ERI3: variants seen among roughly 807,000 people sequenced by gnomAD.
The protein encoded by ERI3 is ERI1 exoribonuclease 3.
In ERI3, 18 loss-of-function variants were observed where a neutral mutation model predicts 44.4. The ratio of observed to expected loss-of-function variants is 0.41; its 90% CI spans 0.28 to 0.60. The LOEUF (loss-of-function observed/expected upper bound fraction) is 0.60, where lower values mean the gene tolerates loss of function less well. Ranked by LOEUF, ERI3 falls within the 20% of genes least tolerant of loss-of-function variation. ERI3 has a pLI of 0.36. For synonymous variants in ERI3, 183 were observed against 164.8 expected (o/e 1.11, Z -0.84); for missense variants, 294 against 435.5 (o/e 0.68, Z 2.89).
chr1:44,222,115 C>T (rs1328115064), intron 8 of ERI3, among the ~76,000 whole-genome samples: 2 of 152,216 alleles, frequency 1.3e-5, no homozygotes, highest in African/African-American at 2.4e-5. Flanking sequence ...GTGACTTTGC[C>T]GGCACTTTCG....
At position 44,307,724 on chromosome 1, in the gene ERI3, A is replaced by G. The variant is rs536265182; in HGVS notation, c.758+586T>C. The stretch of plus-strand genomic sequence containing the variant: ...GCTGGTGACGTGGGCAGCTTCCCGG[A>G]GCAGCCCTCTCTCATCCCACCACTG... On this transcript the variant is annotated intron_variant, in intron 6 of 8. Coordinates refer to ENST00000372257, the MANE Select transcript of ERI3 (RefSeq NM_024066.3). 2.0e-5 allele frequency among the ~76,000 whole-genome samples: 3 copies of G among 152,338 alleles called. No homozygotes were observed. The East Asian group carries it at 5.8e-4, about 29-fold the overall frequency.
rs576641627 is a variant in ERI3 at position 44,302,331 on chromosome 1, A to G, written c.758+5979T>C. ...AGCCCAAGCACTTGCAATGACAGATAAAAGTAATGGGAAATGAGACAAGTC... is the reference window on the plus strand; with the variant it reads ...AGCCCAAGCACTTGCAATGACAGATGAAAGTAATGGGAAATGAGACAAGTC... On this transcript the variant is annotated intron_variant, in intron 6 of 8. Transcript: ENST00000372257. Among the ~76,000 whole-genome samples the G allele has an allele frequency of 3.3e-5, 5 of 152,352 alleles. No homozygotes were observed. The East Asian group carries it at 7.7e-4, about 24-fold the overall frequency.
chr1:44,298,067 A>G (rs1427098631), intron 6 of ERI3, among the ~76,000 whole-genome samples: 1 of 152,272 alleles, frequency 6.6e-6, no homozygotes, highest in Non-Finnish European at 1.5e-5. Flanking sequence ...GGATTCTTCA[A>G]GCATTAGGTC....
intron 3 of ERI3, among the ~76,000 whole-genome samples, chr1:44,335,466 C>T (rs1485725209): frequency 1.3e-5 from 2 of 152,026 alleles, no homozygotes; most frequent in Non-Finnish European, 2.9e-5. Flanking sequence ...AGACCTTACT[C>T]ATAAAGAATC....
intron 8 of ERI3, chr1:44,242,207 C>T: frequency 2.1e-6 from 2 of 936,268 alleles, no homozygotes; most frequent in Non-Finnish European, 2.5e-6. Flanking sequence ...CTGTGCTCTG[C>T]CCTTCCCCAC....
At chr1:44,250,051 C>T (rs192520588) in intron 7 of ERI3, among the ~76,000 whole-genome samples, 65 of 152,028 alleles carry the variant, frequency 4.3e-4, no homozygotes, top group African/African-American at 1.5e-3. Flanking sequence ...TAAGTGATGT[C>T]GGGGAGAAGA....
chr1:44,291,989 G>A (rs1162618442), intron 6 of ERI3, among the ~76,000 whole-genome samples: 1 of 152,342 alleles, frequency 6.6e-6, no homozygotes, highest in South Asian at 2.1e-4. Flanking sequence ...CCTGGGGTAA[G>A]TGACTTCACC....
intron 3 of ERI3, among the ~76,000 whole-genome samples, chr1:44,331,011 C>T (rs1229208178): frequency 6.6e-6 from 1 of 152,094 alleles, no homozygotes; most frequent in Non-Finnish European, 1.5e-5. Flanking sequence ...AACCTAAACA[C>T]TCTTGGATTT....
At chr1:44,338,732 G>C (rs1419916963) in intron 3 of ERI3, among the ~76,000 whole-genome samples, 2 of 152,134 alleles carry the variant, frequency 1.3e-5, no homozygotes, top group African/African-American at 2.4e-5. Flanking sequence ...ACTCCTTAAA[G>C]GAACAAGTGG....
Position 44,339,074 on chromosome 1 carries a change from T to G in ERI3, c.460A>C (p.Thr154Pro). The G allele has an allele frequency of 6.2e-7, 1 of 1,613,822 alleles. No homozygotes were observed. The highest frequency in any genetic ancestry group is 8.5e-7 in the Non-Finnish European group (1 of 1,179,866). ...GGATGAATCTGTGGCTTGTCGCACG[T>G]GGCCTCAAAGTCCAGCACTAAAAAG... ...HYFLVLDFEA[T>P]CDKPQIHPQE... The change falls in exon 3 of 9, where the codon ACG becomes CCG. Residue 154 changes from threonine to proline, a missense_variant. Coordinates refer to ENST00000372257, the MANE Select transcript of ERI3 (RefSeq NM_024066.3).
At chr1:44,259,681 A>AACACACACAC (rs1430303370) in intron 7 of ERI3, among the ~76,000 whole-genome samples, 4 of 54,046 alleles carry the variant, frequency 7.4e-5, no homozygotes, top group African/African-American at 1.9e-4. Flanking sequence ...ATCTCTACAA[A>AACACACACAC]ACACACAGAC....
At chr1:44,274,919 A>AC (rs778757278) in intron 7 of ERI3, among the ~76,000 whole-genome samples, 1 of 152,110 alleles carries the variant, frequency 6.6e-6, no homozygotes, top group Non-Finnish European at 1.5e-5. Context: ...GCCCTGATCT[A>AC]CTTGGCCTGC....
Position 44,221,922 on chromosome 1 carries a change from G to A in ERI3, c.932-282C>T, listed in dbSNP as rs532603469. Reference sequence around the variant, plus strand: ...GCCCCAGCGGTGATGTATGGGCGCCGTCGCAGTAAGAAAAAGGCAGAGTAA... The same window carrying A: ...GCCCCAGCGGTGATGTATGGGCGCCATCGCAGTAAGAAAAAGGCAGAGTAA... On this transcript the variant is annotated intron_variant, in intron 8 of 8. Transcript: ENST00000372257. This position sits in a 1 kb window ranked among gnomAD's most constrained non-coding sequence, Gnocchi z 5.9. Among the ~76,000 whole-genome samples, 5 of 152,344 alleles carry A rather than the reference G, an allele frequency of 3.3e-5. No individual in the cohort carries two copies. The highest frequency in any genetic ancestry group is 1.3e-4 in the Admixed American group (2 of 15,308).
At chr1:44,246,585 GAGATGCCC>G (rs968679545) in intron 8 of ERI3, among the ~76,000 whole-genome samples, 1 of 152,244 alleles carries the variant, frequency 6.6e-6, no homozygotes, top group Non-Finnish European at 1.5e-5. Flanking sequence ...CTCCTGGGGT[GAGATGCCC>G]CCATATCACT....
intron 8 of ERI3, among the ~76,000 whole-genome samples, chr1:44,240,477 C>T (rs1286100672): frequency 6.6e-6 from 1 of 152,160 alleles, no homozygotes; most frequent in African/African-American, 2.4e-5. Context: ...GAAAGCAGTA[C>T]TCGTGGTGGT....
At chr1:44,239,472 ATGGT>A (rs975068808) in intron 8 of ERI3, among the ~76,000 whole-genome samples, 3 of 152,190 alleles carry the variant, frequency 2.0e-5, no homozygotes, top group African/African-American at 7.2e-5. Context: ...GCAGGAGGTG[ATGGT>A]TAATGCAGGC....
chr1:44,238,523 T>G (rs768984015), intron 8 of ERI3, among the ~76,000 whole-genome samples: 2 of 152,042 alleles, frequency 1.3e-5, no homozygotes, highest in Non-Finnish European at 2.9e-5. Flanking sequence ...GCAAAGGCCT[T>G]TAGGGAAGAA....
chr1:44,254,157 A>T (rs1644736860), intron 7 of ERI3, among the ~76,000 whole-genome samples: 1 of 152,146 alleles, frequency 6.6e-6, no homozygotes, highest in Non-Finnish European at 1.5e-5. Flanking sequence ...TAACTTCAGT[A>T]TCTACAAGAT....
intron 6 of ERI3, among the ~76,000 whole-genome samples, chr1:44,303,420 A>C (rs1022302130): frequency 2.0e-5 from 3 of 152,194 alleles, no homozygotes; most frequent in Non-Finnish European, 4.4e-5. Flanking sequence ...CCACAGGAAC[A>C]CTCCATTACT....
Sources: gnomAD v4.1 joint callset for allele counts (sites outside exome capture counted in the v4.1 genomes callset) on GRCh38, gnomAD v4.1.1 for gene constraint, Gnocchi (gnomAD v3.1) non-coding constraint, MANE v1.5 for transcripts, NCBI Gene and HGNC (gene_info 2026-07-23, HGNC 2026-07-21) for gene names.